The following PLOD3 variants were observed in gnomAD, a reference collection of about 807,000 sequenced individuals.
PLOD3 encodes the protein procollagen-lysine,2-oxoglutarate 5-dioxygenase 3, also known as multifunctional procollagen lysine hydroxylase and glycosyltransferase LH3.
In PLOD3, 73 loss-of-function variants were observed where a neutral mutation model predicts 96.9. The observed-to-expected ratio is 0.75, with a 90% CI of 0.62 to 0.92. The LOEUF (loss-of-function observed/expected upper bound fraction) is 0.92, where lower values mean the gene tolerates loss of function less well. PLOD3 is among the 40% of genes least tolerant of loss of function. PLOD3 has a pLI of 0.00. For synonymous variants in PLOD3, 454 were observed against 413.7 expected (o/e 1.10, Z -1.18); for missense variants, 1,004 against 1,004.3 (o/e 1.00, Z 0.00).
rs1224664350 is a variant in PLOD3 at position 101,216,522 on chromosome 7, G to A, written c.226C>T (p.Arg76Ter). 2 of 1,613,716 alleles carry A rather than the reference G, an allele frequency of 1.2e-6. No homozygotes were observed. The highest frequency in any genetic ancestry group is 1.7e-6 in the Non-Finnish European group (2 of 1,179,954). ...ACTGTTCGAGCCACATCACCCCCTC[G>A]CCACTCCTCTCCCAGGCCCAGGGTC... ...VRTLGLGEEW[R>*]GGDVARTVGG... Residue 76 changes from arginine (R) to a stop codon, truncating the protein, a stop_gained, in exon 3 of 19, where the codon CGA becomes TGA. Transcript: ENST00000223127. LOFTEE classifies it high-confidence loss of function.
At chr7:101,215,796 C>G in intron 5 of PLOD3, 112 bp downstream of exon 5, 2 of 771,664 alleles carry the variant, frequency 2.6e-6, no homozygotes, top group Non-Finnish European at 2.3e-6. Context: ...GCCACCACGC[C>G]CAGGCACACA....
chr7:101,206,706 C>A, intron 18 of PLOD3, 73 bp downstream of exon 18: 1 of 1,490,746 alleles, frequency 6.7e-7, no homozygotes, highest in Non-Finnish European at 9.2e-7. Context: ...CTGGGGGATG[C>A]ACGCAGGGGC....
rs763712959 is a variant in PLOD3, at chr7:101,212,530, G to A, written c.1005C>T (p.Asn335=). 2.5e-6 allele frequency: 4 copies of A among 1,613,638 alleles called. No individual in the cohort carries two copies. Among genetic ancestry groups the A allele is most frequent in the East Asian group, 4.5e-5 (2 of 44,870 alleles). ...AGAGGCTCCAACAGGGGAGTCTCAC[G>A]TTGTTGTGCAGGAAAAGGGTGACCC... The part of the protein sequence containing the change: ...PDRVTLFLHN[N]EVFHEPHIAD... The change falls in exon 9 of 19, where the codon AAC becomes AAT. Residue 335 remains asparagine, a splice_region_variant and synonymous_variant. Coordinates refer to ENST00000223127, the MANE Select transcript of PLOD3 (RefSeq NM_001084.5).
rs1306898126 is a variant in PLOD3, at chr7:101,206,585, G to C, written c.2062-149C>G. ...ATGGCAGATATGGCAGACACCGGAGGCTGGGGTGCCTGCAGACAGGAAGAT... is the reference window on the plus strand; with the variant it reads ...ATGGCAGATATGGCAGACACCGGAGCCTGGGGTGCCTGCAGACAGGAAGAT... On this transcript the variant is annotated intron_variant, in intron 18 of 18. Transcript: ENST00000223127. The C allele has an allele frequency of 6.0e-6, 6 of 993,656 alleles. No homozygotes were observed. In the Admixed American group the frequency reaches 1.0e-4, roughly 17 times the overall value. The allele number at this position is 993,656 out of a possible 1,614,324, so 61.6% of individuals were successfully genotyped here. A position where few individuals can be genotyped will look rare whatever the true frequency, so the allele number is the denominator to read the frequency against.
chr7:101,213,506 G>GTTTT (rs3988239), intron 6 of PLOD3: 1 of 269,006 alleles, frequency 3.7e-6, no homozygotes, highest in Non-Finnish European at 7.1e-6. Flanking sequence ...CTCTCTCCTT[G>GTTTT]TTTTTTTTTT....
Position 101,206,146 on chromosome 7 carries a change from T to C in PLOD3, c.*135A>G. 1.1e-6 allele frequency: 1 copy of C among 944,122 alleles called. No individual in the cohort carries two copies. Among genetic ancestry groups the C allele is most frequent in the East Asian group, 2.4e-5 (1 of 41,910 alleles). The allele number at this position is 944,122 out of a possible 1,614,324, so 58.5% of individuals were successfully genotyped here. On this transcript the variant is annotated 3_prime_UTR_variant, in exon 19 of 19. Coordinates refer to ENST00000223127, the MANE Select transcript of PLOD3 (RefSeq NM_001084.5). ...GCCGTGTCTTGGGAGCAAGGTGACATATTCAGTTCAGGCACGCGGAACATG... is the reference window on the plus strand; with the variant it reads ...GCCGTGTCTTGGGAGCAAGGTGACACATTCAGTTCAGGCACGCGGAACATG...
At chr7:101,212,453 T>TG in intron 9 of PLOD3, 77 bp downstream of exon 9, 1 of 1,329,698 alleles carries the variant, frequency 7.5e-7, no homozygotes, top group Non-Finnish European at 1.0e-6. Context: ...AGGAAGGAGA[T>TG]GGGGGTGGGG....
chr7:101,217,357 G>C lies in PLOD3; in HGVS notation c.-83C>G. The C allele has an allele frequency of 7.7e-7, 1 of 1,302,942 alleles. No individual in the cohort carries two copies. 80.7% of individuals were successfully genotyped at this position (1,302,942 alleles called of 1,614,324 possible). Reference sequence around the variant, plus strand: ...ATCCCAGCTCCGGAGGGGAGCTCTGGAAAGGGGGCGCTCGGGCTGCTGTGC... The same window carrying C: ...ATCCCAGCTCCGGAGGGGAGCTCTGCAAAGGGGGCGCTCGGGCTGCTGTGC... On this transcript the variant is annotated 5_prime_UTR_variant, in exon 1 of 19. Transcript: ENST00000223127.
At chr7:101,206,547 G>A (rs1798088021) in intron 18 of PLOD3, 111 bp from the exon 19 acceptor site, 9 of 1,086,954 alleles carry the variant, frequency 8.3e-6, no homozygotes, top group African/African-American at 1.6e-5. Flanking sequence ...AGCAGACCGG[G>A]GTGACAAGGG....
chr7:101,211,078 A>C, intron 12 of PLOD3: 1 of 248,864 alleles, frequency 4.0e-6, no homozygotes, highest in Non-Finnish European at 7.9e-6. Flanking sequence ...ATGGGGTTTC[A>C]CCATGTTGGC....
rs915727650 is a variant in PLOD3 at position 101,215,910 on chromosome 7, T to C, written c.613A>G (p.Arg205Gly). 1 of 1,603,468 alleles carries C rather than the reference T, an allele frequency of 6.2e-7. No individual in the cohort carries two copies. Among genetic ancestry groups the C allele is most frequent in the African/African-American group, 1.3e-5 (1 of 74,676 alleles). ...GCCCACTCCTCTGCCTTCCCTACCC[T>C]CAGTCCTGGGTCCAGGTAGAGCCGT... ...YTRLYLDPGLREKLSLNLDHK... is the reference protein window; with the variant it reads ...YTRLYLDPGLGEKLSLNLDHK... Residue 205 changes from arginine (R) to glycine (G), a missense_variant and splice_region_variant, in exon 5 of 19, where the codon AGG (arginine) becomes GGG (glycine). By Grantham distance (125) the Arg-to-Gly change is moderately radical. Transcript: ENST00000223127.
rs764399995 is a variant in PLOD3, at chr7:101,213,118, C to T, written c.766G>A (p.Gly256Ser). 2 of 1,610,816 alleles carry T rather than the reference C, an allele frequency of 1.2e-6. No homozygotes were observed. Among genetic ancestry groups the T allele is most frequent in the African/African-American group, 1.3e-5 (1 of 74,786 alleles). The change falls in exon 7 of 19, where the codon GGT (glycine) becomes AGT (serine). Residue 256 changes from glycine (G) to serine (S), a missense_variant. Around this residue, in one of 5 missense-constraint regions of PLOD3, gnomAD observed 690 missense variants for 650.2 expected, o/e 1.06. Coordinates refer to ENST00000223127, the MANE Select transcript of PLOD3 (RefSeq NM_001084.5). The stretch of plus-strand genomic sequence containing the variant: ...ACCACTGGTGGCACCTTAGTGGGAC[C>T]GTTTCCATGGACCACAATGGGGAGC... Reference protein sequence around the residue: ...DTLPIVVHGNGPTKLQLNYLG... With the variant: ...DTLPIVVHGNSPTKLQLNYLG...
intron 9 of PLOD3, 62 bp downstream of exon 9, chr7:101,212,468 G>A (rs985538778): frequency 7.5e-6 from 12 of 1,589,542 alleles, no homozygotes; most frequent in Admixed American, 3.3e-5. Flanking sequence ...GTGGGGGCAC[G>A]AGAGTTCTGA....
rs1315795527 is a variant in PLOD3, at chr7:101,211,731, G to A, written c.1233-15C>T. ...CGATCACCTTCCTGCGGACAGGTGG[G>A]GGTGAGGGCTGGGCAGACGGGAGCA... On this transcript the variant is annotated splice_polypyrimidine_tract_variant and intron_variant, in intron 11 of 18. Transcript: ENST00000223127. 3.7e-6 allele frequency: 6 copies of A among 1,600,740 alleles called. No homozygotes were observed. Among genetic ancestry groups the A allele is most frequent in the Non-Finnish European group, 4.3e-6 (5 of 1,174,458 alleles).
At position 101,217,467 on chromosome 7, in the gene PLOD3, G is replaced by T; in HGVS notation, c.-193C>A. 1 of 523,290 alleles carries T rather than the reference G, an allele frequency of 1.9e-6. No individual in the cohort carries two copies. Among genetic ancestry groups the T allele is most frequent in the Non-Finnish European group, 3.2e-6 (1 of 316,240 alleles). 32.4% of individuals were successfully genotyped at this position (523,290 alleles called of 1,614,324 possible). A position where few individuals can be genotyped will look rare whatever the true frequency, so the allele number is the denominator to read the frequency against. ...GCTACAGAAAGCTCCAGATGCCGGCGCCACAGACAAGGCGAGGATTGTCCC... is the reference window on the plus strand; with the variant it reads ...GCTACAGAAAGCTCCAGATGCCGGCTCCACAGACAAGGCGAGGATTGTCCC... On this transcript the variant is annotated 5_prime_UTR_variant, in exon 1 of 19. Transcript: ENST00000223127.
intron 11 of PLOD3, 63 bp downstream of exon 11, chr7:101,211,783 A>T: frequency 6.3e-7 from 1 of 1,587,968 alleles, no homozygotes; most frequent in Non-Finnish European, 8.6e-7. Flanking sequence ...TGCCCAGGGC[A>T]GGAGTGGGGT....
chr7:101,210,190 C>CTGA, intron 14 of PLOD3, 29 bp from the exon 15 acceptor site: 4 of 1,531,952 alleles, frequency 2.6e-6, no homozygotes, highest in South Asian at 1.1e-5. Flanking sequence ...CACATCAGAT[C>CTGA]TGTGCCCCCC....
Position 101,212,887 on chromosome 7 carries a change from G to A in PLOD3, c.834C>T (p.Gly278=). 1 of 1,613,774 alleles carries A rather than the reference G, an allele frequency of 6.2e-7. No individual in the cohort carries two copies. The highest frequency in any genetic ancestry group is 8.5e-7 in the Non-Finnish European group (1 of 1,179,782). ...YVPNGWTPEG[G]CGFCNQDRRT... is the part of the protein sequence containing the mutation. Reference sequence around the variant, plus strand: ...TCCGGTCCTGGTTGCAGAAGCCACAGCCTCCCTCAGGAGTCCAGCCATTGG... The same window carrying A: ...TCCGGTCCTGGTTGCAGAAGCCACAACCTCCCTCAGGAGTCCAGCCATTGG... Residue 278 remains glycine (G), a synonymous_variant, in exon 8 of 19, where the codon GGC becomes GGT. Transcript: ENST00000223127.
At chr7:101,206,664 CAA>C (rs1798089514) in intron 18 of PLOD3, 113 bp downstream of exon 18, 3 of 1,286,916 alleles carry the variant, frequency 2.3e-6, no homozygotes, top group African/African-American at 3.0e-5. Context: ...CTGATACCCA[CAA>C]AGTCACTGGG....
Sources: allele counts gnomAD v4.1 joint callset, GRCh38; gene constraint gnomAD v4.1.1; regional missense constraint gnomAD v4.1.1; transcripts MANE v1.5; gene names NCBI Gene and HGNC (gene_info 2026-07-23, HGNC 2026-07-21).